The following DHX37 variants were observed in gnomAD, a reference collection of about 807,000 sequenced individuals.
DHX37 encodes probable ATP-dependent RNA helicase DHX37.
DHX37 carries 52 observed loss-of-function variants against 134.3 expected under a neutral mutation model. The observed-to-expected ratio is 0.39, with a 90% confidence interval of 0.31 to 0.49. DHX37 has a LOEUF of 0.49. Ranked by LOEUF, DHX37 falls within the 20% of genes least tolerant of loss-of-function variation. The pLI is 0.93. For synonymous variants in DHX37, 634 were observed against 670.7 expected (o/e 0.95, Z 0.85); for missense variants, 1,344 against 1,580.8 (o/e 0.85, Z 2.54).
rs1437199737 is a variant in DHX37, at chr12:124,980,680, G to A, written c.548C>T (p.Pro183Leu). 6.3e-7 allele frequency: 1 copy of A among 1,590,668 alleles called. No homozygotes were observed. The highest frequency in any genetic ancestry group is 8.5e-7 in the Non-Finnish European group (1 of 1,170,186). The change falls in exon 4 of 27, where the codon CCA (proline) becomes CTA (leucine). Residue 183 changes from proline (P) to leucine (L), a missense_variant. Pro to Leu is a moderately conservative substitution (Grantham distance 98). This residue lies in a region of DHX37 where 319 missense variants were observed against 296.1 expected (regional missense o/e 1.08). Transcript: ENST00000308736. The surrounding 1 kb of genome is among the most constrained non-coding windows in gnomAD (Gnocchi z 5.3). ...ACCAGCCTCAGCCGGCTCAGCAGCT[G>A]GGTCCTCGTCCAGCTCCGACTCCTC... ...LEEESELDED[P>L]AAEPAEAGVG...
intron 11 of DHX37, 70 bp from the exon 12 acceptor site, chr12:124,966,948 T>C: frequency 6.3e-7 from 1 of 1,597,094 alleles, no homozygotes; most frequent in Non-Finnish European, 8.6e-7. Flanking sequence ...TGCCCTTTGT[T>C]GTTCAAGGCA....
Position 124,969,379 on chromosome 12 carries a change from T to C in DHX37, c.1192-411A>G, listed in dbSNP as rs148419115. Among the ~76,000 whole-genome samples, 414 of 152,300 alleles carry C rather than the reference T, an allele frequency of 2.7e-3. 2 individuals carry two copies. The highest frequency in any genetic ancestry group is 9.4e-3 in the African/African-American group (391 of 41,558). ...CCCCAGGCCGCTCAGCAATGCCTAA[T>C]GGCCTCATGGTGAGCTCTGCTTCAA... is the stretch of plus-strand genomic sequence containing the variant. On this transcript the variant is annotated intron_variant, in intron 8 of 26. Transcript: ENST00000308736.
At position 124,952,554 on chromosome 12, in the gene DHX37, G is replaced by T; in HGVS notation, c.2712C>A (p.Pro904=). ...QLTTAVNAVC[P]EAELFVDPKM... ...TGGGATCCACGAAGAGCTCAGCCTCGGGGCACACGGCATTGACTGAGGGGA... is the reference window on the plus strand; with the variant it reads ...TGGGATCCACGAAGAGCTCAGCCTCTGGGCACACGGCATTGACTGAGGGGA... Residue 904 remains proline (P), a synonymous_variant, in exon 21 of 27, where the codon CCC becomes CCA. Transcript: ENST00000308736. 1 of 1,591,182 alleles carries T rather than the reference G, an allele frequency of 6.3e-7. No homozygotes were observed. The highest frequency in any genetic ancestry group is 8.6e-7 in the Non-Finnish European group (1 of 1,164,718).
chr12:124,948,045 T>G (rs376835208), intron 26 of DHX37, 39 bp downstream of exon 26: 2 of 1,614,054 alleles, frequency 1.2e-6, no homozygotes, highest in African/African-American at 2.7e-5. Flanking sequence ...AGTGACCCCA[T>G]CCTGTCTACT....
chr12:124,954,289 C>T lies in DHX37; in HGVS notation c.2454-78G>A. ...CCTCAGCGGGGGGAACTCCTTTATT[C>T]ATCGGGACAGGCTCAGAGGCCTTGT... On this transcript the variant is annotated intron_variant, in intron 18 of 26. Coordinates refer to ENST00000308736, the MANE Select transcript of DHX37 (RefSeq NM_032656.4). The T allele has an allele frequency of 5.3e-6, 8 of 1,506,200 alleles. No homozygotes were observed. In the South Asian group the frequency reaches 1.1e-4, roughly 21 times the overall value. 93.3% of individuals were successfully genotyped at this position (1,506,200 alleles called of 1,614,324 possible). A position where few individuals can be genotyped will look rare whatever the true frequency, so the allele number is the denominator to read the frequency against.
chr12:124,957,489 T>C (rs916616119), intron 16 of DHX37, among the ~76,000 whole-genome samples: 2 of 152,162 alleles, frequency 1.3e-5, no homozygotes, highest in East Asian at 1.9e-4. Flanking sequence ...CAGTGAGGCA[T>C]AATACGAATA....
intron 18 of DHX37, among the ~76,000 whole-genome samples, chr12:124,956,356 T>C (rs1954093705): frequency 6.7e-6 from 1 of 150,124 alleles, no homozygotes; most frequent in African/African-American, 2.4e-5. Flanking sequence ...ATCTACGCAA[T>C]AGGATGCCAG....
chr12:124,984,982 G>A (rs539524760), intron 2 of DHX37, among the ~76,000 whole-genome samples: 1 of 152,290 alleles, frequency 6.6e-6, no homozygotes, highest in African/African-American at 2.4e-5. Flanking sequence ...GACACACGGA[G>A]GAAAGGCCGA....
At chr12:124,984,737 A>C (rs1954830310) in intron 2 of DHX37, among the ~76,000 whole-genome samples, 2 of 152,172 alleles carry the variant, frequency 1.3e-5, no homozygotes, top group South Asian at 4.1e-4. Context: ...TCATTTTTAA[A>C]AGTCTCTACT....
rs1954868944 is a variant in DHX37, at chr12:124,986,196, GTCT to G, written c.173_175del (p.Lys58del). 1.9e-6 allele frequency: 3 copies of G among 1,614,170 alleles called. No individual in the cohort carries two copies. The highest frequency in any genetic ancestry group is 2.5e-6 in the Non-Finnish European group (3 of 1,180,034). ...CTTCTTCGACAGGGGAGGGGCTTTG[GTCT>G]TCTTTTTCTTCTTCCCCGGTAGAAC... On this transcript the variant is annotated inframe_deletion, in exon 2 of 27. Transcript: ENST00000308736.
At chr12:124,983,871 G>A (rs888687025) in intron 2 of DHX37, among the ~76,000 whole-genome samples, 1 of 152,002 alleles carries the variant, frequency 6.6e-6, no homozygotes, top group African/African-American at 2.4e-5. Flanking sequence ...CACGGCTGCT[G>A]GAGAGAGACC....
At chr12:124,972,018 G>A (rs57995690) in intron 7 of DHX37, among the ~76,000 whole-genome samples, 5,631 of 152,298 alleles carry the variant, frequency 0.037, 370 homozygotes, top group African/African-American at 0.13. Flanking sequence ...AAGCCCCAGC[G>A]GCCCCTCCCC....
chr12:124,974,779 T>A (rs952088717), intron 6 of DHX37, among the ~76,000 whole-genome samples: 1 of 137,640 alleles, frequency 7.3e-6, no homozygotes, highest in Non-Finnish European at 1.6e-5. Flanking sequence ...CGCCTGAAGA[T>A]TTTTTTTTTT....
intron 15 of DHX37, among the ~76,000 whole-genome samples, chr12:124,961,273 T>TGAAC (rs1555275491): frequency 9.7e-6 from 1 of 102,654 alleles, no homozygotes; most frequent in African/African-American, 3.8e-5. Flanking sequence ...CATACACGCG[T>TGAAC]GCACGCACAC....
chr12:124,950,665 A>G (rs1414326961), intron 22 of DHX37, 25 bp downstream of exon 22: 2 of 1,609,772 alleles, frequency 1.2e-6, no homozygotes, highest in Admixed American at 1.7e-5. Context: ...TCGGGGGACA[A>G]GGGGCTGTCC....
intron 25 of DHX37, among the ~76,000 whole-genome samples, chr12:124,948,868 T>A (rs1184746779): frequency 3.2e-5 from 1 of 30,848 alleles, no homozygotes; most frequent in Non-Finnish European, 8.2e-5. Flanking sequence ...CCCCTTCCCC[T>A]AATCATCCCG....
chr12:124,961,295 C>T (rs113065492), intron 15 of DHX37, among the ~76,000 whole-genome samples: 5 of 147,632 alleles, frequency 3.4e-5, no homozygotes, highest in Admixed American at 2.7e-4. Flanking sequence ...CACTTACACG[C>T]GTGCACGCAC....
rs1225078676 is a variant in DHX37, at chr12:124,967,193, C to T, written c.1434G>A (p.Gly478=). The change falls in exon 11 of 27, where the codon GGG becomes GGA. Residue 478 remains glycine, a synonymous_variant. Transcript: ENST00000308736. ...GGCACAGCGCATGCACCTCAGCCTG[C>T]CCCGTCAGGAACACCAGGATGCCAC... ...PAGGILVFLT[G]QAEVHALCRR... is the part of the protein sequence containing the mutation. 1 of 1,613,912 alleles carries T rather than the reference C, an allele frequency of 6.2e-7. No individual in the cohort carries two copies. Among genetic ancestry groups the T allele is most frequent in the South Asian group, 1.1e-5 (1 of 91,070 alleles).
In DHX37 at chr12:124,956,891, G is replaced by A. The variant is rs1954108947; in HGVS notation, c.2265-12C>T. The A allele has an allele frequency of 6.3e-7, 1 of 1,577,656 alleles. No individual in the cohort carries two copies. Among genetic ancestry groups the A allele is most frequent in the Middle Eastern group, 1.7e-4 (1 of 5,886 alleles). ...GCAGTTGCTTCACCCTGGAGATGGA[G>A]GTGGTGGTGGCAGTGCTCTGAGAGG... is the stretch of plus-strand genomic sequence containing the variant. On this transcript the variant is annotated splice_polypyrimidine_tract_variant and intron_variant, in intron 17 of 26. Coordinates refer to ENST00000308736, the MANE Select transcript of DHX37 (RefSeq NM_032656.4).
Sources: allele counts gnomAD v4.1 joint callset (sites outside exome capture counted in the v4.1 genomes callset), GRCh38; gene constraint gnomAD v4.1.1; regional missense constraint gnomAD v4.1.1; non-coding constraint Gnocchi (gnomAD v3.1); transcripts MANE v1.5; gene names NCBI Gene and HGNC (gene_info 2026-07-23, HGNC 2026-07-21).